FNDC1: variants seen among roughly 807,000 people sequenced by gnomAD.
The protein encoded by FNDC1 is fibronectin type III domain containing 1, also known as fibronectin type III domain-containing protein 1.
In FNDC1, 96 loss-of-function variants were observed where a neutral mutation model predicts 168.0. That is an observed-to-expected ratio of 0.57 (90% confidence interval 0.48 to 0.68). FNDC1 has a LOEUF of 0.68. FNDC1 is among the 30% of genes least tolerant of loss of function. FNDC1 has a pLI of 0.00. For synonymous variants in FNDC1, 1,099 were observed against 1,025.9 expected, an observed-to-expected ratio of 1.07 and a Z score of -1.36; for missense variants, 2,587 against 2,482.1, an observed-to-expected ratio of 1.04 and a Z score of -0.90.
chr6:159,205,706 A>T (rs1304766976), intron 4 of FNDC1, among the ~76,000 whole-genome samples: 1 of 152,252 alleles, frequency 6.6e-6, no homozygotes, highest in Non-Finnish European at 1.5e-5. Flanking sequence ...TTGAAATGTC[A>T]TGAAACTATG....
intron 6 of FNDC1, among the ~76,000 whole-genome samples, chr6:159,223,026 C>T (rs577782604): frequency 9.7e-5 from 11 of 113,500 alleles, no homozygotes; most frequent in Non-Finnish European, 1.7e-4. Context: ...GTGGAGTTTT[C>T]GCTCTGTTGC....
chr6:159,266,102 T>A lies in FNDC1; in HGVS notation c.5303T>A (p.Ile1768Asn). 1 of 1,613,788 alleles carries A rather than the reference T, an allele frequency of 6.2e-7. No individual in the cohort carries two copies. The highest frequency in any genetic ancestry group is 8.5e-7 in the Non-Finnish European group (1 of 1,179,766). ...VRPPGGEPIW[I>N]PFAFKHDPSY... ...TGTCAAGGCGGTGAGCCTATCTGGA[T>A]CCCATTCGCTTTCAAACATGATCCC... Residue 1768 changes from isoleucine (I) to asparagine (N), a missense_variant, in exon 21 of 23, where the codon ATC becomes AAC. Coordinates refer to ENST00000297267, the MANE Select transcript of FNDC1 (RefSeq NM_032532.3).
chr6:159,208,101 G>A (rs796528373), intron 4 of FNDC1, among the ~76,000 whole-genome samples: 25 of 152,272 alleles, frequency 1.6e-4, no homozygotes, highest in African/African-American at 5.5e-4. Context: ...ATACACTCAC[G>A]CCAATAACGG....
chr6:159,192,818 G>T (rs1374625927), intron 1 of FNDC1, among the ~76,000 whole-genome samples: 1 of 152,136 alleles, frequency 6.6e-6, no homozygotes, highest in East Asian at 1.9e-4. Flanking sequence ...TGGAGCCCAG[G>T]ACAGCTTTTT....
chr6:159,222,984 ATTT>A (rs201310702), intron 6 of FNDC1, among the ~76,000 whole-genome samples: 2 of 116,874 alleles, frequency 1.7e-5, no homozygotes, highest in Non-Finnish European at 2.0e-5. Context: ...TGAAATACTC[ATTT>A]TTTTTTTTTT....
At chr6:159,264,168 T>A (rs1039645310) in intron 19 of FNDC1, among the ~76,000 whole-genome samples, 19 of 152,222 alleles carry the variant, frequency 1.2e-4, no homozygotes, top group African/African-American at 4.1e-4. Flanking sequence ...CCATTGTCAC[T>A]GTCAAGATAG....
intron 16 of FNDC1, among the ~76,000 whole-genome samples, 164 bp from the exon 17 acceptor site, chr6:159,251,137 AG>A (rs1777248250): frequency 6.6e-6 from 1 of 152,162 alleles, no homozygotes; most frequent in Admixed American, 6.5e-5. Context: ...GGATCCATCA[AG>A]GAGAGCTGGG....
At chr6:159,268,890 A>G (rs1583928372) in intron 22 of FNDC1, among the ~76,000 whole-genome samples, 1 of 149,174 alleles carries the variant, frequency 6.7e-6, no homozygotes, top group Admixed American at 6.7e-5. Context: ...TATATTTATA[A>G]CTATCTATCC....
intron 1 of FNDC1, among the ~76,000 whole-genome samples, chr6:159,171,286 G>C (rs1347935645): frequency 6.6e-6 from 1 of 152,218 alleles, no homozygotes; most frequent in Non-Finnish European, 1.5e-5. Flanking sequence ...GACAAAGGAG[G>C]ACAGGCACAT....
rs531755767 is a variant in FNDC1, at chr6:159,268,585, GTCTC to G, written c.5569+669_5569+672del. On this transcript the variant is annotated intron_variant, in intron 22 of 22. Transcript: ENST00000297267. ...TATCTATCCACCCATCCATCTATCC[GTCTC>G]TCTCTCTCTATCATCTATCTATATC... 1.0e-3 allele frequency among the ~76,000 whole-genome samples: 157 copies of G among 151,334 alleles called. 1 individual carries two copies. The highest frequency in any genetic ancestry group is 4.4e-3 in the Admixed American group (67 of 15,224).
chr6:159,267,388 A>G (rs957396498), intron 21 of FNDC1, among the ~76,000 whole-genome samples: 4 of 152,158 alleles, frequency 2.6e-5, no homozygotes, highest in Non-Finnish European at 4.4e-5. Flanking sequence ...GTCTCATGCC[A>G]CAGGCCCGCC....
intron 22 of FNDC1, among the ~76,000 whole-genome samples, chr6:159,268,940 A>G (rs1177969379): frequency 4.0e-5 from 6 of 150,712 alleles, no homozygotes; most frequent in Admixed American, 6.6e-5. Context: ...TGTATCCATC[A>G]TCTATCTATC....
intron 5 of FNDC1, among the ~76,000 whole-genome samples, chr6:159,219,327 C>A (rs530709894): frequency 1.3e-5 from 2 of 152,236 alleles, no homozygotes; most frequent in Non-Finnish European, 1.5e-5. Flanking sequence ...CAGGCGTGAG[C>A]CACCTCACCC....
intron 18 of FNDC1, among the ~76,000 whole-genome samples, chr6:159,258,206 G>A (rs1416040967): frequency 6.6e-6 from 1 of 152,178 alleles, no homozygotes; most frequent in Non-Finnish European, 1.5e-5. Context: ...CACTTCCTGA[G>A]CGCAAGGTGG....
At chr6:159,239,293 C>T (rs973077950) in intron 13 of FNDC1, among the ~76,000 whole-genome samples, 2 of 152,142 alleles carry the variant, frequency 1.3e-5, no homozygotes, top group Non-Finnish European at 2.9e-5. Flanking sequence ...ACTTTTCCCC[C>T]TTAGGCATAG....
intron 1 of FNDC1, among the ~76,000 whole-genome samples, chr6:159,182,520 G>A (rs1283957281): frequency 1.3e-5 from 2 of 152,172 alleles, no homozygotes; most frequent in African/African-American, 4.8e-5. Context: ...AGCTTTGGGA[G>A]GACTTCCTTT....
chr6:159,270,585 T>G (rs909727961), intron 22 of FNDC1, among the ~76,000 whole-genome samples: 1 of 152,206 alleles, frequency 6.6e-6, no homozygotes, highest in African/African-American at 2.4e-5. Flanking sequence ...AGCTATTTAT[T>G]TGGCAAAAGT....
At chr6:159,210,165 T>C (rs1235348823) in intron 4 of FNDC1, among the ~76,000 whole-genome samples, 1 of 152,210 alleles carries the variant, frequency 6.6e-6, no homozygotes, top group African/African-American at 2.4e-5. Flanking sequence ...TTCGCCAGTG[T>C]GATTTGGGAG....
chr6:159,262,793 G>T (rs886260417), intron 19 of FNDC1, among the ~76,000 whole-genome samples: 1 of 152,130 alleles, frequency 6.6e-6, no homozygotes, highest in Admixed American at 6.6e-5. Flanking sequence ...AAAATTCAAG[G>T]CCCCACCCTA....
Sources: allele counts gnomAD v4.1 joint callset (sites outside exome capture counted in the v4.1 genomes callset), GRCh38; gene constraint gnomAD v4.1.1; transcripts MANE v1.5; gene names NCBI Gene and HGNC (gene_info 2026-07-23, HGNC 2026-07-21).